The following PLCXD3 variants were observed in gnomAD, a reference collection of about 807,000 sequenced individuals.
PLCXD3 encodes the protein phosphatidylinositol specific phospholipase C X domain containing 3, also known as PI-PLC X domain-containing protein 3.
PLCXD3 carries 19 observed loss-of-function variants against 25.5 expected under a neutral mutation model. The observed-to-expected ratio is 0.75, with a 90% CI of 0.52 to 1.09. PLCXD3 has a LOEUF of 1.09. Ranked by LOEUF, PLCXD3 falls within the 50% of genes least tolerant of loss-of-function variation. The pLI is 0.00. For synonymous variants in PLCXD3, 174 were observed against 137.6 expected (o/e 1.26, Z -1.85); for missense variants, 411 against 388.1 (o/e 1.06, Z -0.50).
intron 1 of PLCXD3, among the ~76,000 whole-genome samples, chr5:41,414,587 G>A (rs1039214883): frequency 5.3e-5 from 8 of 152,134 alleles, no homozygotes; most frequent in Admixed American, 2.0e-4. Flanking sequence ...AAATAAAAAA[G>A]CATAAGTAGC....
chr5:41,484,154 C>T lies in PLCXD3; in HGVS notation c.103+26270G>A, dbSNP rs376339101. Among the ~76,000 whole-genome samples, 79 of 151,844 alleles carry T rather than the reference C, an allele frequency of 5.2e-4. No individual in the cohort carries two copies. In the South Asian group the frequency reaches 8.5e-3, roughly 16 times the overall value. ...ACATTAGGGGTATAGGGGGCCGCAG[C>T]TATATGTATGATTTTCAAAACTTAA... On this transcript the variant is annotated intron_variant, in intron 1 of 2. Transcript: ENST00000377801.
chr5:41,372,598 TAGGATGA>T (rs1745136492), intron 2 of PLCXD3, among the ~76,000 whole-genome samples: 1 of 152,010 alleles, frequency 6.6e-6, no homozygotes, highest in Non-Finnish European at 1.5e-5. Flanking sequence ...CCGGAGGACA[TAGGATGA>T]ACTCCCTCCT....
chr5:41,471,756 T>C (rs1748162895), intron 1 of PLCXD3, among the ~76,000 whole-genome samples: 1 of 147,784 alleles, frequency 6.8e-6, no homozygotes, highest in African/African-American at 2.5e-5. Flanking sequence ...CAAACAAAAA[T>C]AATAACTACA....
At chr5:41,492,986 T>C (rs1009290185) in intron 1 of PLCXD3, among the ~76,000 whole-genome samples, 26 of 152,256 alleles carry the variant, frequency 1.7e-4, no homozygotes, top group Non-Finnish European at 3.4e-4. Flanking sequence ...ACTGCGTTCC[T>C]TTGGAGGAGG....
chr5:41,460,102 G>A (rs1231313016), intron 1 of PLCXD3, among the ~76,000 whole-genome samples: 1 of 151,826 alleles, frequency 6.6e-6, no homozygotes, highest in Non-Finnish European at 1.5e-5. Context: ...AAAGATATGC[G>A]TATATAGAAT....
chr5:41,504,762 G>A (rs1710383331), intron 1 of PLCXD3, among the ~76,000 whole-genome samples: 2 of 152,188 alleles, frequency 1.3e-5, no homozygotes, highest in Admixed American at 1.3e-4. Context: ...GAAAATGGCA[G>A]ATACCATGTT....
intron 1 of PLCXD3, among the ~76,000 whole-genome samples, chr5:41,439,502 C>T (rs1241410259): frequency 2.0e-5 from 3 of 151,978 alleles, no homozygotes; most frequent in Admixed American, 6.5e-5. Context: ...GAGGAGTACC[C>T]TTTCTCCTCC....
intron 2 of PLCXD3, among the ~76,000 whole-genome samples, chr5:41,356,236 A>G (rs1465524628): frequency 1.3e-5 from 2 of 152,184 alleles, no homozygotes; most frequent in African/African-American, 2.4e-5. Context: ...ACTGCACTCG[A>G]GCCTGGGAGA....
intron 2 of PLCXD3, among the ~76,000 whole-genome samples, chr5:41,351,818 C>G (rs1158180568): frequency 1.3e-5 from 2 of 152,148 alleles, no homozygotes; most frequent in Non-Finnish European, 2.9e-5. Flanking sequence ...CCAAACAGAT[C>G]TCAGTTTAAA....
At chr5:41,324,741 G>T (rs773717465) in intron 2 of PLCXD3, among the ~76,000 whole-genome samples, 1 of 152,116 alleles carries the variant, frequency 6.6e-6, no homozygotes, top group Non-Finnish European at 1.5e-5. Flanking sequence ...TGTGCCTGTC[G>T]CATCACCTTT....
rs745662352 is a variant in PLCXD3, at chr5:41,372,277, T to TTCTC, written c.812+9545_812+9548dup. 9.0e-3 allele frequency among the ~76,000 whole-genome samples: 1,158 copies of TTCTC among 129,348 alleles called. 9 individuals are homozygous for TTCTC. Among genetic ancestry groups the TTCTC allele is most frequent in the African/African-American group, 0.021 (708 of 33,608 alleles). The allele number at this position is 129,348 out of a possible 152,430, so 84.9% of individuals were successfully genotyped here. Reference sequence around the variant, plus strand: ...TTTTTCAGAAAAGTATATGTATTCATTCTCTCTCTCTCTCTCTCTCTCACA... The same window carrying TTCTC: ...TTTTTCAGAAAAGTATATGTATTCATTCTCTCTCTCTCTCTCTCTCTCTCTCACA... On this transcript the variant is annotated intron_variant, in intron 2 of 2. Transcript: ENST00000377801.
chr5:41,414,041 C>G (rs897976373), intron 1 of PLCXD3, among the ~76,000 whole-genome samples: 1 of 151,912 alleles, frequency 6.6e-6, no homozygotes, highest in Non-Finnish European at 1.5e-5. Flanking sequence ...TTTAGATACA[C>G]AGTAGAAAGG....
At chr5:41,493,073 T>C (rs1463500596) in intron 1 of PLCXD3, among the ~76,000 whole-genome samples, 2 of 152,208 alleles carry the variant, frequency 1.3e-5, no homozygotes, top group East Asian at 3.8e-4. Flanking sequence ...TATCTACTTT[T>C]GGTCTTTGAT....
At chr5:41,375,791 T>C (rs1477926572) in intron 2 of PLCXD3, among the ~76,000 whole-genome samples, 2 of 152,266 alleles carry the variant, frequency 1.3e-5, no homozygotes, top group Non-Finnish European at 2.9e-5. Flanking sequence ...ATGCAGCCAG[T>C]GCTAAGCAAT....
chr5:41,363,823 A>G (rs1744855749), intron 2 of PLCXD3, among the ~76,000 whole-genome samples: 1 of 152,230 alleles, frequency 6.6e-6, no homozygotes, highest in Admixed American at 6.5e-5. Context: ...TAAATGAGTA[A>G]ATTCCCAAGG....
intron 1 of PLCXD3, among the ~76,000 whole-genome samples, chr5:41,468,955 T>C (rs1748087987): frequency 6.6e-6 from 1 of 152,192 alleles, no homozygotes; most frequent in Non-Finnish European, 1.5e-5. Context: ...ATCTTGTCTC[T>C]GATCTTCGAG....
intron 1 of PLCXD3, among the ~76,000 whole-genome samples, chr5:41,496,551 TAAC>T (rs1349485545): frequency 7.2e-6 from 1 of 139,088 alleles, no homozygotes; most frequent in African/African-American, 2.7e-5. Context: ...AGTAGAATAA[TAAC>T]AACCAACCGA....
intron 1 of PLCXD3, among the ~76,000 whole-genome samples, chr5:41,466,177 A>G (rs1748013991): frequency 6.6e-6 from 1 of 152,130 alleles, no homozygotes; most frequent in South Asian, 2.1e-4. Context: ...ACTGCTTAAT[A>G]AAAACAGACT....
chr5:41,396,312 T>C (rs1561259426), intron 1 of PLCXD3, among the ~76,000 whole-genome samples: 1 of 152,158 alleles, frequency 6.6e-6, no homozygotes, highest in Non-Finnish European at 1.5e-5. Context: ...TGTGTAGCAC[T>C]TCCCCCTTCT....
Sources: gnomAD v4.1 joint callset for allele counts (sites outside exome capture counted in the v4.1 genomes callset) on GRCh38, gnomAD v4.1.1 for gene constraint, MANE v1.5 for transcripts, NCBI Gene and HGNC (gene_info 2026-07-23, HGNC 2026-07-21) for gene names.